Variants in PLEKHH1 observed in about 807,000 individuals in gnomAD.
PLEKHH1 encodes the protein pleckstrin homology domain-containing family H member 1.
Under a neutral mutation model 160.0 loss-of-function variants are expected in PLEKHH1, and 104 were observed. The observed-to-expected ratio is 0.65, with a 90% CI of 0.55 to 0.76. The LOEUF is 0.76. Among genes scored for constraint, PLEKHH1 ranks in the 30% least tolerant of loss-of-function variants. PLEKHH1 has a pLI of 0.00. For missense variants in PLEKHH1, 1,427 were observed against 1,724.1 expected (o/e 0.83, Z 3.05); for synonymous variants, 619 against 678.4 (o/e 0.91, Z 1.36).
At chr14:67,545,967 A>G (rs1021848699) in intron 2 of PLEKHH1, among the ~76,000 whole-genome samples, 1 of 152,166 alleles carries the variant, frequency 6.6e-6, no homozygotes, top group African/African-American at 2.4e-5. Flanking sequence ...AAAGTTGAAA[A>G]CACTGTCTTA....
Position 67,587,142 on chromosome 14 carries a change from C to T in PLEKHH1, c.4002C>T (p.Thr1334=). Residue 1334 remains threonine (T), a synonymous_variant, in exon 29 of 29, where the codon ACC becomes ACT. Coordinates refer to ENST00000329153, the MANE Select transcript of PLEKHH1 (RefSeq NM_020715.3). ...GCACTACAACTGTGAACCCCCCCAC[C>T]AACCCACCCGGAGCCTGCCAGCTGT... ...NHCTTTVNPP[T]NPPGACQLWE... The T allele has an allele frequency of 6.2e-7, 1 of 1,613,948 alleles. No individual in the cohort carries two copies. The highest frequency in any genetic ancestry group is 1.3e-5 in the African/African-American group (1 of 75,040).
chr14:67,538,161 C>T (rs893276280), intron 1 of PLEKHH1, among the ~76,000 whole-genome samples: 3 of 152,148 alleles, frequency 2.0e-5, no homozygotes, highest in Non-Finnish European at 2.9e-5. Context: ...CACTTCCCCT[C>T]TCTCATTTCC....
Position 67,572,117 on chromosome 14 carries a change from T to G in PLEKHH1, c.1586-18T>G, listed in dbSNP as rs750525441. The G allele has an allele frequency of 4.4e-6, 7 of 1,600,606 alleles. No homozygotes were observed. The highest frequency in any genetic ancestry group is 1.7e-4 in the Middle Eastern group (1 of 6,046). On this transcript the variant is annotated intron_variant, in intron 10 of 28. Coordinates refer to ENST00000329153, the MANE Select transcript of PLEKHH1 (RefSeq NM_020715.3). ...GGAGGTGTGGGACCCGGGCCTTGAC[T>G]CCTCCTCCCTCGGCAAGGCGTCTCC...
At chr14:67,569,282 G>T (rs1308955312) in intron 8 of PLEKHH1, 66 bp downstream of exon 8, 12 of 1,166,274 alleles carry the variant, frequency 1.0e-5, no homozygotes, top group Non-Finnish European at 1.5e-5. Flanking sequence ...AAGCGGGGAG[G>T]AGAAGACTCC....
At position 67,562,415 on chromosome 14, in the gene PLEKHH1, G is replaced by A; in HGVS notation, c.784G>A (p.Glu262Lys). 6.2e-7 allele frequency: 1 copy of A among 1,613,918 alleles called. No individual in the cohort carries two copies. The highest frequency in any genetic ancestry group is 8.5e-7 in the Non-Finnish European group (1 of 1,179,796). Reference protein sequence around the residue: ...AKPLQPHLGRESPPHQPCMKL... With the variant: ...AKPLQPHLGRKSPPHQPCMKL... ...GCCCCTTCAACCTCATCTGGGAAGA[G>A]AGAGCCCTCCCCACCAGCCATGCAT... Residue 262 changes from glutamate to lysine, a missense_variant, in exon 7 of 29, where the codon GAG (glutamate) becomes AAG (lysine). This residue lies in a region of PLEKHH1 where 831 missense variants were observed against 929.2 expected (regional missense o/e 0.89). Transcript: ENST00000329153.
chr14:67,566,148 G>C (rs1245560470), intron 7 of PLEKHH1, among the ~76,000 whole-genome samples: 1 of 152,094 alleles, frequency 6.6e-6, no homozygotes, highest in East Asian at 1.9e-4. Context: ...GGTTCGGGAG[G>C]CACACAGCCC....
Position 67,578,337 on chromosome 14 carries a change from T to A in PLEKHH1, c.2751+138T>A. ...GCCTCTGTGCTCCAAGCTGCATCAG[T>A]ACGGCTGAGCTGTCTATGCACAGAT... On this transcript the variant is annotated intron_variant, in intron 19 of 28. Coordinates refer to ENST00000329153, the MANE Select transcript of PLEKHH1 (RefSeq NM_020715.3). The surrounding 1 kb of genome is among the most constrained non-coding windows in gnomAD (Gnocchi z 5.0). The A allele has an allele frequency of 2.5e-6, 2 of 810,738 alleles. No homozygotes were observed. Among genetic ancestry groups the A allele is most frequent in the Non-Finnish European group, 4.0e-6 (2 of 495,796 alleles). 50.2% of individuals were successfully genotyped at this position (810,738 alleles called of 1,614,324 possible).
intron 8 of PLEKHH1, 187 bp from the exon 9 acceptor site, chr14:67,569,734 A>G (rs114906375): frequency 0.027 from 16,367 of 605,998 alleles, 539 homozygotes; most frequent in African/African-American, 0.12. Flanking sequence ...GGGATCCTTT[A>G]CCACATGGAG....
chr14:67,580,769 C>G lies in PLEKHH1; in HGVS notation c.3184-169C>G, dbSNP rs1259024090. The G allele has an allele frequency of 1.2e-5, 7 of 579,148 alleles. No homozygotes were observed. In the Admixed American group the frequency reaches 2.1e-4, roughly 18 times the overall value. 35.9% of individuals were successfully genotyped at this position (579,148 alleles called of 1,614,324 possible). A position where few individuals can be genotyped will look rare whatever the true frequency, so the allele number is the denominator to read the frequency against. On this transcript the variant is annotated intron_variant, in intron 22 of 28. Coordinates refer to ENST00000329153, the MANE Select transcript of PLEKHH1 (RefSeq NM_020715.3). Reference sequence around the variant, plus strand: ...GTTCCCTCTGTTTGTGAGGGAGCTGCTGCCACCTTGGGTCCAGGAAGCATG... The same window carrying G: ...GTTCCCTCTGTTTGTGAGGGAGCTGGTGCCACCTTGGGTCCAGGAAGCATG...
At chr14:67,550,617 G>A (rs1375051917) in intron 2 of PLEKHH1, among the ~76,000 whole-genome samples, 3 of 152,230 alleles carry the variant, frequency 2.0e-5, no homozygotes, top group African/African-American at 4.8e-5. Flanking sequence ...CTAGGAAAAC[G>A]TGAGGGGAAG....
At chr14:67,557,090 G>A (rs191897712) in intron 3 of PLEKHH1, among the ~76,000 whole-genome samples, 179 bp from the exon 4 acceptor site, 1 of 152,286 alleles carries the variant, frequency 6.6e-6, no homozygotes, top group African/African-American at 2.4e-5. Context: ...TTCTTTGTCA[G>A]TCCTTCTTTT....
At position 67,579,278 on chromosome 14, in the gene PLEKHH1, C is replaced by A; in HGVS notation, c.2994C>A (p.Ser998Arg). 2 of 1,576,116 alleles carry A rather than the reference C, an allele frequency of 1.3e-6. No homozygotes were observed. The highest frequency in any genetic ancestry group is 1.2e-5 in the South Asian group (1 of 84,782). ...RNPFHHSLPF[S>R]IPVHFTNGTY... ...CCTTCCACCACTCCTTGCCCTTCAG[C>A]ATCCCCGTGCACTTTACCAACGGGA... The change falls in exon 21 of 29, where the codon AGC becomes AGA. Residue 998 changes from serine (S) to arginine (R), a missense_variant. By Grantham distance (110) the Ser-to-Arg change is moderately radical (BLOSUM62 -1). Coordinates refer to ENST00000329153, the MANE Select transcript of PLEKHH1 (RefSeq NM_020715.3).
In PLEKHH1 at chr14:67,549,245, G is replaced by T. The variant is rs971222857; in HGVS notation, c.127-6580G>T. The stretch of plus-strand genomic sequence containing the variant: ...CTTTTATTCTGTGGGGTGTGTGTGC[G>T]TGTGTGTGTGTGTAAAAGAGATTTT... On this transcript the variant is annotated intron_variant, in intron 2 of 28. Coordinates refer to ENST00000329153, the MANE Select transcript of PLEKHH1 (RefSeq NM_020715.3). Among the ~76,000 whole-genome samples, 3 of 150,860 alleles carry T rather than the reference G, an allele frequency of 2.0e-5. No homozygotes were observed. In the South Asian group the frequency reaches 6.3e-4, roughly 32 times the overall value.
chr14:67,561,869 C>CG, intron 5 of PLEKHH1, 85 bp from the exon 6 acceptor site: 2 of 755,740 alleles, frequency 2.6e-6, no homozygotes, highest in Non-Finnish European at 4.0e-6. Context: ...GACCCTGTCT[C>CG]AAAAAAAAAA....
intron 22 of PLEKHH1, chr14:67,580,089 C>T (rs1285220589): frequency 7.5e-6 from 4 of 535,264 alleles, no homozygotes; most frequent in Non-Finnish European, 1.0e-5. Context: ...GAGACAAGAT[C>T]GCTACACACC....
chr14:67,559,889 G>A (rs1468899100), intron 5 of PLEKHH1, among the ~76,000 whole-genome samples, 198 bp downstream of exon 5: 1 of 152,130 alleles, frequency 6.6e-6, no homozygotes, highest in Non-Finnish European at 1.5e-5. Context: ...GGTCTCCCTG[G>A]AGCTCCTGAC....
Position 67,580,920 on chromosome 14 carries a change from T to C in PLEKHH1, c.3184-18T>C, listed in dbSNP as rs765561958. On this transcript the variant is annotated intron_variant, in intron 22 of 28. Transcript: ENST00000329153. ...CTTATCAGGAAATTTTCTGACTTTCTTCTTTTGCCTTTTCAAGATCTGTGA... is the reference window on the plus strand; with the variant it reads ...CTTATCAGGAAATTTTCTGACTTTCCTCTTTTGCCTTTTCAAGATCTGTGA... 2.6e-6 allele frequency: 4 copies of C among 1,556,830 alleles called. No homozygotes were observed. The highest frequency in any genetic ancestry group is 1.7e-4 in the Middle Eastern group (1 of 5,968).
In PLEKHH1 at chr14:67,585,674, G is replaced by A. The variant is rs762542058; in HGVS notation, c.3786+20G>A. The A allele has an allele frequency of 4.0e-6, 6 of 1,482,300 alleles. No individual in the cohort carries two copies. The highest frequency in any genetic ancestry group is 3.6e-5 in the South Asian group (3 of 82,954). The allele number at this position is 1,482,300 out of a possible 1,614,324, so 91.8% of individuals were successfully genotyped here. On this transcript the variant is annotated intron_variant, in intron 27 of 28. Coordinates refer to ENST00000329153, the MANE Select transcript of PLEKHH1 (RefSeq NM_020715.3). ...ACTATGGTATGAAAGGATGCAGGCT[G>A]CTCCCTGACCCCTCCTCTTCCTCAA...
intron 5 of PLEKHH1, among the ~76,000 whole-genome samples, chr14:67,560,164 G>A (rs1282391909): frequency 1.3e-5 from 2 of 151,988 alleles, no homozygotes; most frequent in African/African-American, 4.8e-5. Context: ...AGTAGCTGGG[G>A]TTACAGGCAC....
Sources: gnomAD v4.1 joint callset for allele counts (sites outside exome capture counted in the v4.1 genomes callset) on GRCh38, gnomAD v4.1.1 for gene constraint, gnomAD v4.1.1 regional missense constraint, Gnocchi (gnomAD v3.1) non-coding constraint, MANE v1.5 for transcripts, NCBI Gene and HGNC (gene_info 2026-07-23, HGNC 2026-07-21) for gene names.